The following TENM4 variants were observed in gnomAD, a reference collection of about 807,000 sequenced individuals.
TENM4 encodes teneurin transmembrane protein 4, also known as teneurin-4.
A neutral mutation model predicts 243.3 loss-of-function variants in TENM4; 82 were observed. The ratio of observed to expected loss-of-function variants is 0.34; its 90% CI spans 0.28 to 0.40. The LOEUF (loss-of-function observed/expected upper bound fraction) is 0.40. Among genes scored for constraint, TENM4 ranks in the 10% least tolerant of loss-of-function variants. The pLI, the probability that TENM4 is intolerant of heterozygous loss-of-function variation, is 1.00. For synonymous variants in TENM4, 1,412 were observed against 1,456.3 expected (o/e 0.97, Z 0.69); for missense variants, 3,138 against 3,673.3 (o/e 0.85, Z 3.77).
chr11:79,180,232 C>T lies in TENM4; in HGVS notation c.-162-31426G>A, dbSNP rs374724164. 1.1e-3 allele frequency among the ~76,000 whole-genome samples: 160 copies of T among 151,710 alleles called. 5 individuals carry two copies. Among genetic ancestry groups the T allele is most frequent in the Non-Finnish European group, 1.7e-3 (114 of 67,716 alleles). On this transcript the variant is annotated intron_variant, in intron 3 of 33. Transcript: ENST00000278550. ...GAGAGCAGATCCCTGGAACCTCCCC[C>T]GTATTTATGATTCACCCTCCACTCT...
chr11:79,032,472 G>A (rs1430550692), intron 6 of TENM4, among the ~76,000 whole-genome samples: 9 of 152,170 alleles, frequency 5.9e-5, no homozygotes, highest in Admixed American at 5.9e-4. Flanking sequence ...CCAGCCTAGT[G>A]CTTTTTCTAT....
intron 6 of TENM4, among the ~76,000 whole-genome samples, chr11:79,030,059 C>T (rs2136848550): frequency 6.6e-6 from 1 of 152,202 alleles, no homozygotes; most frequent in East Asian, 1.9e-4. Flanking sequence ...TCGGAATCCG[C>T]CCTGGATTAA....
Position 79,267,753 on chromosome 11 carries a change from G to A in TENM4, c.-265+29735C>T, listed in dbSNP as rs369503273. ...ATAAATTCTTGATAAACTGTAGTTT[G>A]TTGAAAACAAAAAGATTATTCACAG... On this transcript the variant is annotated intron_variant, in intron 2 of 33. Coordinates refer to ENST00000278550, the MANE Select transcript of TENM4 (RefSeq NM_001098816.3). 3.9e-5 allele frequency among the ~76,000 whole-genome samples: 6 copies of A among 152,308 alleles called. No homozygotes were observed. In the East Asian group the frequency reaches 7.7e-4, roughly 20 times the overall value.
chr11:79,305,062 C>T (rs1313591992), intron 1 of TENM4, among the ~76,000 whole-genome samples: 1 of 152,220 alleles, frequency 6.6e-6, no homozygotes, highest in Non-Finnish European at 1.5e-5. Context: ...CAACTTTCTA[C>T]TCACCCTCTT....
In TENM4 at chr11:78,840,177, G is replaced by A. The variant is rs17137235; in HGVS notation, c.1681+13927C>T. Among the ~76,000 whole-genome samples, 6 of 152,092 alleles carry A rather than the reference G, an allele frequency of 3.9e-5. No homozygotes were observed. In the South Asian group the frequency reaches 8.3e-4, roughly 21 times the overall value. On this transcript the variant is annotated intron_variant, in intron 12 of 33. Coordinates refer to ENST00000278550, the MANE Select transcript of TENM4 (RefSeq NM_001098816.3). ...AAATGCAAGCTTTCCAAGGAATAGC[G>A]TGCACTTACAGGCCTGAGAAAACTC...
At chr11:79,017,672 A>C (rs1009571775) in intron 6 of TENM4, among the ~76,000 whole-genome samples, 2 of 152,258 alleles carry the variant, frequency 1.3e-5, no homozygotes, top group Non-Finnish European at 2.9e-5. Flanking sequence ...TTACACATTC[A>C]AGATATTAAA....
chr11:78,790,501 T>C (rs1458911696), intron 15 of TENM4, among the ~76,000 whole-genome samples: 1 of 152,218 alleles, frequency 6.6e-6, no homozygotes, highest in Admixed American at 6.5e-5. Flanking sequence ...CAAAGCACTC[T>C]TCATGGACAA....
At chr11:78,971,791 TA>T (rs11324813) in intron 6 of TENM4, among the ~76,000 whole-genome samples, 11,421 of 151,772 alleles carry the variant, frequency 0.075, 1,162 homozygotes, top group African/African-American at 0.21. Flanking sequence ...AGTAAAACAT[TA>T]AAAAAAATGT....
intron 7 of TENM4, among the ~76,000 whole-genome samples, chr11:78,894,721 A>T (rs1015847209): frequency 6.6e-6 from 1 of 152,202 alleles, no homozygotes; most frequent in Non-Finnish European, 1.5e-5. Context: ...GGCCAGGTGC[A>T]GTGGCTCACA....
chr11:78,997,746 C>T (rs576461778), intron 6 of TENM4, among the ~76,000 whole-genome samples: 1 of 152,190 alleles, frequency 6.6e-6, no homozygotes, highest in Non-Finnish European at 1.5e-5. Context: ...GGACTGGCGT[C>T]TATTATGGGT....
chr11:79,077,310 A>AGGTG (rs1461367526), intron 4 of TENM4, among the ~76,000 whole-genome samples: 1 of 152,226 alleles, frequency 6.6e-6, no homozygotes, highest in African/African-American at 2.4e-5. Flanking sequence ...ACCCAGGCCA[A>AGGTG]GGTGGGTCAA....
At chr11:78,733,802 A>G (rs1855725574) in intron 20 of TENM4, among the ~76,000 whole-genome samples, 1 of 152,176 alleles carries the variant, frequency 6.6e-6, no homozygotes, top group Admixed American at 6.5e-5. Context: ...GCCACATGTG[A>G]ACCAAGGTAC....
intron 6 of TENM4, among the ~76,000 whole-genome samples, chr11:78,985,256 G>A (rs1857891246): frequency 6.6e-6 from 1 of 151,904 alleles, no homozygotes; most frequent in Non-Finnish European, 1.5e-5. Flanking sequence ...ATGCCATACA[G>A]ATTTTTTTTT....
intron 4 of TENM4, among the ~76,000 whole-genome samples, chr11:79,117,485 C>A (rs1861647828): frequency 6.6e-6 from 1 of 152,190 alleles, no homozygotes; most frequent in African/African-American, 2.4e-5. Flanking sequence ...CTATCAGGGG[C>A]TGGGCTCTGA....
intron 4 of TENM4, among the ~76,000 whole-genome samples, chr11:79,083,521 C>T (rs1347142469): frequency 2.6e-5 from 4 of 152,220 alleles, no homozygotes; most frequent in African/African-American, 9.6e-5. Flanking sequence ...GCTTGAATTC[C>T]TTCTGTGAGT....
intron 3 of TENM4, among the ~76,000 whole-genome samples, chr11:79,175,919 T>C (rs193124014): frequency 1.8e-3 from 275 of 152,120 alleles, no homozygotes; most frequent in African/African-American, 6.2e-3. Context: ...ACCATGTCTC[T>C]GCAAAAAATT....
intron 6 of TENM4, among the ~76,000 whole-genome samples, chr11:78,931,228 C>T (rs987881494): frequency 8.5e-5 from 13 of 152,160 alleles, no homozygotes; most frequent in Admixed American, 2.6e-4. Flanking sequence ...ATGTGCCTTG[C>T]AAGGTTTCTC....
chr11:78,888,678 C>A (rs1855597576), intron 9 of TENM4, among the ~76,000 whole-genome samples: 1 of 152,242 alleles, frequency 6.6e-6, no homozygotes, highest in Non-Finnish European at 1.5e-5. Flanking sequence ...GCCACAGTGA[C>A]TTTGCTGGTT....
At chr11:79,112,957 A>G (rs1409884484) in intron 4 of TENM4, among the ~76,000 whole-genome samples, 1 of 152,194 alleles carries the variant, frequency 6.6e-6, no homozygotes, top group Non-Finnish European at 1.5e-5. Context: ...ACTTCCATCA[A>G]GCACTAACTT....
Sources: allele counts gnomAD v4.1 joint callset (sites outside exome capture counted in the v4.1 genomes callset), GRCh38; gene constraint gnomAD v4.1.1; transcripts MANE v1.5; gene names NCBI Gene and HGNC (gene_info 2026-07-23, HGNC 2026-07-21).